PDGFC: variants seen among roughly 807,000 people sequenced by gnomAD.
PDGFC encodes the protein platelet derived growth factor C.
Under a neutral mutation model 35.5 loss-of-function variants are expected in PDGFC, and 12 were observed. That is an observed-to-expected ratio of 0.34 (90% CI 0.22 to 0.55). PDGFC has a LOEUF of 0.55. Among genes scored for constraint, PDGFC ranks in the 20% least tolerant of loss-of-function variants. The pLI is 0.91. For missense variants in PDGFC, 322 were observed against 412.4 expected (o/e 0.78, Z 1.90); for synonymous variants, 159 against 148.8 (o/e 1.07, Z -0.50).
intron 3 of PDGFC, among the ~76,000 whole-genome samples, chr4:156,803,979 T>A (rs1259358066): frequency 6.6e-6 from 1 of 151,998 alleles, no homozygotes; most frequent in African/African-American, 2.4e-5. Flanking sequence ...GTTGACAAAA[T>A]TGATAGTCTT....
At chr4:156,866,220 C>T (rs981814646) in intron 1 of PDGFC, among the ~76,000 whole-genome samples, 1 of 152,018 alleles carries the variant, frequency 6.6e-6, no homozygotes, top group African/African-American at 2.4e-5. Context: ...GGTTTTTTGT[C>T]CTTGCGATAG....
rs1379607869 is a variant in PDGFC at position 156,925,274 on chromosome 4, GC to G, written c.118+45511del. Among the ~76,000 whole-genome samples the G allele has an allele frequency of 1.2e-4, 18 of 152,292 alleles. No homozygotes were observed. The East Asian group carries it at 3.5e-3, about 30-fold the overall frequency. The stretch of plus-strand genomic sequence containing the variant: ...AACCAGGGTAAGAAAGGCTGGACAG[GC>G]TCTTATGTGCATTTTTTTAAAGACT... On this transcript the variant is annotated intron_variant, in intron 1 of 5. Coordinates refer to ENST00000502773, the MANE Select transcript of PDGFC (RefSeq NM_016205.3).
Position 156,897,329 on chromosome 4 carries a change from TGA to T in PDGFC, c.119-46915_119-46914del, listed in dbSNP as rs570610906. On this transcript the variant is annotated intron_variant, in intron 1 of 5. Transcript: ENST00000502773. ...CACAGGCAGACAGAGAGAGAGAATA[TGA>T]GAGAGTGTGTGAGAGTGTATGTGTG... is the stretch of plus-strand genomic sequence containing the variant. 5.7e-5 allele frequency among the ~76,000 whole-genome samples: 8 copies of T among 141,096 alleles called. No homozygotes were observed. The South Asian group carries it at 1.1e-3, about 20-fold the overall frequency. The allele number at this position is 141,096 out of a possible 152,430, so 92.6% of individuals were successfully genotyped here. A position where few individuals can be genotyped will look rare whatever the true frequency, so the allele number is the denominator to read the frequency against.
intron 2 of PDGFC, among the ~76,000 whole-genome samples, chr4:156,841,585 C>A (rs144353457): frequency 6.6e-6 from 1 of 151,430 alleles, no homozygotes; most frequent in African/African-American, 2.4e-5. Context: ...TGGCTCACTG[C>A]AACCTCCACC....
chr4:156,965,009 C>T (rs1343700120), intron 1 of PDGFC, among the ~76,000 whole-genome samples: 1 of 152,152 alleles, frequency 6.6e-6, no homozygotes, highest in African/African-American at 2.4e-5. Context: ...CTATGCACAG[C>T]AATGACACTT....
chr4:156,780,107 GTTTTTTTTTT>G (rs35403686), intron 3 of PDGFC, among the ~76,000 whole-genome samples: 1 of 125,026 alleles, frequency 8.0e-6, no homozygotes, highest in Non-Finnish European at 1.7e-5. Flanking sequence ...CAAAATTAAG[GTTTTTTTTTT>G]TTTTTTTTTT....
Position 156,824,313 on chromosome 4 carries a change from T to TAC in PDGFC, c.315-13297_315-13296insGT, listed in dbSNP as rs1442250659. Among the ~76,000 whole-genome samples, 57 of 45,244 alleles carry TAC rather than the reference T, an allele frequency of 1.3e-3. 3 individuals are homozygous for TAC. The highest frequency in any genetic ancestry group is 6.3e-3 in the Admixed American group (33 of 5,242). 29.7% of individuals were successfully genotyped at this position (45,244 alleles called of 152,430 possible). Reference sequence around the variant, plus strand: ...ATATATATATATATATATATATATATATATATATATATATACACACACACA... The same window carrying TAC: ...ATATATATATATATATATATATATATACATATATATATATATACACACACACA... On this transcript the variant is annotated intron_variant, in intron 2 of 5. Transcript: ENST00000502773.
intron 1 of PDGFC, among the ~76,000 whole-genome samples, chr4:156,933,153 C>G (rs1338516084): frequency 6.6e-6 from 1 of 152,152 alleles, no homozygotes; most frequent in East Asian, 1.9e-4. Flanking sequence ...TGAAGGAAAT[C>G]TAATGAAATG....
intron 1 of PDGFC, among the ~76,000 whole-genome samples, chr4:156,878,287 G>T (rs528065962): frequency 2.0e-5 from 3 of 152,188 alleles, no homozygotes; most frequent in African/African-American, 7.2e-5. Flanking sequence ...AGAGCAAGGA[G>T]CAGTGAAGTC....
At position 156,896,087 on chromosome 4, in the gene PDGFC, GTTAA is replaced by G. The variant is rs1161864471; in HGVS notation, c.119-45675_119-45672del. Among the ~76,000 whole-genome samples, 4 of 152,156 alleles carry G rather than the reference GTTAA, an allele frequency of 2.6e-5. No individual in the cohort carries two copies. In the East Asian group the frequency reaches 5.8e-4, roughly 22 times the overall value. On this transcript the variant is annotated intron_variant, in intron 1 of 5. Transcript: ENST00000502773. ...ATGATATCAGGATTAAAGAATTCTG[GTTAA>G]TTAAATATTAATTAAAGTGATCAAC...
At chr4:156,915,586 AG>A (rs751545097) in intron 1 of PDGFC, among the ~76,000 whole-genome samples, 7 of 152,204 alleles carry the variant, frequency 4.6e-5, no homozygotes, top group Non-Finnish European at 1.0e-4. Flanking sequence ...TGAGATCAGT[AG>A]CTTGAGACCA....
chr4:156,785,148 A>C (rs1731088623), intron 3 of PDGFC, among the ~76,000 whole-genome samples: 1 of 152,190 alleles, frequency 6.6e-6, no homozygotes, highest in Admixed American at 6.5e-5. Flanking sequence ...AGGATGATTC[A>C]CATTCTGCAT....
At chr4:156,779,019 T>C (rs1730909453) in intron 3 of PDGFC, 2 of 369,240 alleles carry the variant, frequency 5.4e-6, no homozygotes, top group East Asian at 7.9e-5. Flanking sequence ...TTGGGTAACA[T>C]CACTTCTTAA....
At chr4:156,820,192 G>A (rs1307725176) in intron 2 of PDGFC, among the ~76,000 whole-genome samples, 2 of 152,190 alleles carry the variant, frequency 1.3e-5, no homozygotes, top group Non-Finnish European at 2.9e-5. Context: ...GACAACAAGG[G>A]ATTTATAATA....
intron 1 of PDGFC, among the ~76,000 whole-genome samples, chr4:156,948,025 G>A (rs1462267622): frequency 1.3e-5 from 2 of 151,782 alleles, no homozygotes; most frequent in Non-Finnish European, 2.9e-5. Context: ...TGGATGGTGT[G>A]CCATAGAATG....
intron 1 of PDGFC, among the ~76,000 whole-genome samples, chr4:156,863,404 C>T (rs372069472): frequency 1.3e-5 from 2 of 152,134 alleles, no homozygotes; most frequent in South Asian, 2.1e-4. Context: ...TGTATATTTT[C>T]CTATTGCCTC....
intron 1 of PDGFC, among the ~76,000 whole-genome samples, chr4:156,911,999 A>T (rs889279060): frequency 6.6e-6 from 1 of 152,120 alleles, no homozygotes; most frequent in Non-Finnish European, 1.5e-5. Context: ...TTCAATATTT[A>T]AAAAAGAGAA....
intron 1 of PDGFC, among the ~76,000 whole-genome samples, chr4:156,862,914 TG>T (rs1189941731): frequency 6.6e-6 from 1 of 151,984 alleles, no homozygotes; most frequent in Admixed American, 6.6e-5. Context: ...AGGCTGGTCT[TG>T]AACTCCTGAC....
intron 2 of PDGFC, 136 bp downstream of exon 2, chr4:156,850,085 A>G (rs998988545): frequency 1.0e-5 from 5 of 493,614 alleles, no homozygotes; most frequent in East Asian, 6.2e-5. Flanking sequence ...CATAGCTTCA[A>G]TAAGGCTGGA....
Sources: allele counts gnomAD v4.1 joint callset (sites outside exome capture counted in the v4.1 genomes callset), GRCh38; gene constraint gnomAD v4.1.1; transcripts MANE v1.5; gene names NCBI Gene and HGNC (gene_info 2026-07-23, HGNC 2026-07-21).